Variants in UVRAG observed in about 807,000 individuals in gnomAD.
UVRAG encodes UV radiation resistance-associated gene protein.
A neutral mutation model predicts 78.0 loss-of-function variants in UVRAG; 19 were observed. The ratio of observed to expected loss-of-function variants is 0.24; its 90% confidence interval spans 0.17 to 0.36. The LOEUF is 0.36. Ranked by LOEUF, UVRAG falls within the 10% of genes least tolerant of loss-of-function variation. The pLI, the probability that UVRAG is intolerant of heterozygous loss-of-function variation, is 1.00. For synonymous variants in UVRAG, 323 were observed against 324.6 expected, an observed-to-expected ratio of 1.00 and a Z score of 0.05; for missense variants, 740 against 853.8, an observed-to-expected ratio of 0.87 and a Z score of 1.66.
At chr11:75,896,367 A>G (rs916991011) in intron 5 of UVRAG, among the ~76,000 whole-genome samples, 1 of 152,208 alleles carries the variant, frequency 6.6e-6, no homozygotes, top group African/African-American at 2.4e-5. Flanking sequence ...TTTGCCTTTA[A>G]TGTATACAGG....
intron 7 of UVRAG, among the ~76,000 whole-genome samples, chr11:75,962,747 A>G (rs1312832401): frequency 6.6e-6 from 1 of 152,304 alleles, no homozygotes; most frequent in Admixed American, 6.5e-5. Context: ...GTGTATAAAA[A>G]TGCTGGATTT....
chr11:75,840,181 T>A (rs1034218276), intron 1 of UVRAG, among the ~76,000 whole-genome samples: 12 of 152,120 alleles, frequency 7.9e-5, no homozygotes, highest in Non-Finnish European at 1.5e-4. Flanking sequence ...AATGCTGAAA[T>A]TTACCTGAAA....
intron 1 of UVRAG, among the ~76,000 whole-genome samples, chr11:75,820,921 T>TA (rs1389275473): frequency 6.6e-6 from 1 of 152,122 alleles, no homozygotes; most frequent in East Asian, 1.9e-4. Context: ...AGACTGTGAT[T>TA]AAATGTGATT....
At position 76,087,757 on chromosome 11, in the gene UVRAG, G is replaced by A. The variant is rs1951615718; in HGVS notation, c.1305+21969G>A. Among the ~76,000 whole-genome samples the A allele has an allele frequency of 2.6e-5, 4 of 152,214 alleles. No homozygotes were observed. The South Asian group carries it at 8.3e-4, about 32-fold the overall frequency. On this transcript the variant is annotated intron_variant, in intron 13 of 14. Coordinates refer to ENST00000356136, the MANE Select transcript of UVRAG (RefSeq NM_003369.4). The stretch of plus-strand genomic sequence containing the variant: ...TTCTCTATTCCCATTTTAGAACTGA[G>A]TAAAGAGGTTTAGTAATTTACCCAT...
At chr11:75,836,529 C>G (rs1370861765) in intron 1 of UVRAG, among the ~76,000 whole-genome samples, 2 of 152,154 alleles carry the variant, frequency 1.3e-5, no homozygotes, top group Non-Finnish European at 2.9e-5. Flanking sequence ...GTTCTCACCC[C>G]CATTTCTTAT....
chr11:75,986,710 A>T (rs1448839632), intron 8 of UVRAG, among the ~76,000 whole-genome samples: 1 of 152,260 alleles, frequency 6.6e-6, no homozygotes, highest in East Asian at 1.9e-4. Context: ...TGATCACCAC[A>T]ATCTGATTGT....
At chr11:75,948,292 A>G (rs1565393862) in intron 6 of UVRAG, among the ~76,000 whole-genome samples, 1 of 152,198 alleles carries the variant, frequency 6.6e-6, no homozygotes, top group Non-Finnish European at 1.5e-5. Context: ...TTAGGAGAGC[A>G]TTCTCATGGC....
intron 14 of UVRAG, among the ~76,000 whole-genome samples, chr11:76,139,719 T>G (rs1952670841): frequency 6.6e-6 from 1 of 152,230 alleles, no homozygotes; most frequent in Admixed American, 6.5e-5. Context: ...GTAGATACTC[T>G]ATTTCCATTA....
intron 6 of UVRAG, among the ~76,000 whole-genome samples, chr11:75,939,353 G>C (rs996164868): frequency 3.9e-5 from 6 of 152,110 alleles, no homozygotes; most frequent in Non-Finnish European, 7.4e-5. Context: ...CTATGGGCCA[G>C]GCAGAGTAGA....
intron 1 of UVRAG, among the ~76,000 whole-genome samples, chr11:75,821,809 C>T (rs1230823250): frequency 6.6e-6 from 1 of 151,994 alleles, no homozygotes; most frequent in African/African-American, 2.4e-5. Context: ...TTGTAGGATG[C>T]CACTCTTCTG....
chr11:76,053,985 A>AT (rs1950928940), intron 12 of UVRAG, among the ~76,000 whole-genome samples: 2 of 151,074 alleles, frequency 1.3e-5, no homozygotes, highest in East Asian at 3.9e-4. Context: ...AAAAAAAAAA[A>AT]AGTTATTATC....
intron 14 of UVRAG, among the ~76,000 whole-genome samples, chr11:76,131,549 GT>G (rs1952512537): frequency 6.6e-6 from 1 of 152,184 alleles, no homozygotes. Context: ...GCCTTGTTCA[GT>G]TATACCTTTT....
rs1381712325 is a variant in UVRAG at position 76,008,037 on chromosome 11, A to G, written c.999+416A>G. ...ATTCTCCTGCCTCAGCCTCCCGAGT[A>G]GCTGGGACTGCAGGCGCCCGCCACC... On this transcript the variant is annotated intron_variant, in intron 10 of 14. Transcript: ENST00000356136. Among the ~76,000 whole-genome samples the G allele has an allele frequency of 2.6e-5, 4 of 151,916 alleles. No homozygotes were observed. In the East Asian group the frequency reaches 7.7e-4, roughly 29 times the overall value.
chr11:75,906,221 AT>A (rs1045009282), intron 5 of UVRAG, among the ~76,000 whole-genome samples: 5 of 150,652 alleles, frequency 3.3e-5, no homozygotes, highest in Admixed American at 6.6e-5. Context: ...TAATTTACTG[AT>A]TTTTTTGTAC....
At chr11:76,137,789 T>C in intron 14 of UVRAG, 1 of 286,130 alleles carries the variant, frequency 3.5e-6, no homozygotes, top group South Asian at 3.7e-5. Flanking sequence ...ACACCTGTAG[T>C]CCCAGCTACT....
At chr11:76,106,554 G>C (rs1167339493) in intron 13 of UVRAG, among the ~76,000 whole-genome samples, 1 of 151,240 alleles carries the variant, frequency 6.6e-6, no homozygotes, top group Non-Finnish European at 1.5e-5. Context: ...TTTTAGTAGA[G>C]ACAGGGTTTT....
At chr11:75,948,122 G>T (rs533471629) in intron 6 of UVRAG, among the ~76,000 whole-genome samples, 1 of 152,210 alleles carries the variant, frequency 6.6e-6, no homozygotes, top group Non-Finnish European at 1.5e-5. Flanking sequence ...TAGAATTTGT[G>T]ATTATTTGGT....
intron 13 of UVRAG, among the ~76,000 whole-genome samples, chr11:76,085,861 G>A (rs949425147): frequency 6.6e-6 from 1 of 152,112 alleles, no homozygotes; most frequent in African/African-American, 2.4e-5. Flanking sequence ...TTCCATGTGT[G>A]TTTTTCACAA....
At chr11:75,997,039 C>T (rs1353482061) in intron 8 of UVRAG, among the ~76,000 whole-genome samples, 1 of 152,080 alleles carries the variant, frequency 6.6e-6, no homozygotes, top group Non-Finnish European at 1.5e-5. Context: ...TTCATATGTG[C>T]AATATATTAA....
Sources: gnomAD v4.1 joint callset for allele counts (sites outside exome capture counted in the v4.1 genomes callset) on GRCh38, gnomAD v4.1.1 for gene constraint, MANE v1.5 for transcripts, NCBI Gene and HGNC (gene_info 2026-07-23, HGNC 2026-07-21) for gene names.